Variants in THSD7A observed in about 807,000 individuals in gnomAD.
The protein encoded by THSD7A is thrombospondin type-1 domain-containing protein 7A.
THSD7A carries 96 observed loss-of-function variants against 231.3 expected under a neutral mutation model. The observed-to-expected ratio is 0.41, with a 90% CI of 0.35 to 0.49. The LOEUF (loss-of-function observed/expected upper bound fraction) is 0.49, where lower values mean the gene tolerates loss of function less well. THSD7A is among the 20% of genes least tolerant of loss of function. THSD7A has a pLI of 0.05. For missense variants in THSD7A, 2,290 were observed against 2,070.2 expected (o/e 1.11, Z -2.06); for synonymous variants, 940 against 743.3 (o/e 1.26, Z -4.30).
At chr7:11,626,486 T>A (rs73676051) in intron 2 of THSD7A, among the ~76,000 whole-genome samples, 2,006 of 152,170 alleles carry the variant, frequency 0.013, 39 homozygotes, top group African/African-American at 0.045. Flanking sequence ...GGTGAAGACA[T>A]CCTGTCCATG....
At chr7:11,790,665 G>A (rs1227684904) in intron 1 of THSD7A, among the ~76,000 whole-genome samples, 1 of 151,604 alleles carries the variant, frequency 6.6e-6, no homozygotes, top group African/African-American at 2.4e-5. Context: ...TAGCAGTCTA[G>A]AAAAGTTTTT....
intron 23 of THSD7A, among the ~76,000 whole-genome samples, chr7:11,388,445 C>G (rs1782850724): frequency 6.6e-6 from 1 of 152,116 alleles, no homozygotes; most frequent in South Asian, 2.1e-4. Context: ...AGGAATTTAT[C>G]CATTTCTTCT....
intron 1 of THSD7A, among the ~76,000 whole-genome samples, chr7:11,677,635 T>G (rs1039738512): frequency 1.6e-5 from 2 of 128,114 alleles, no homozygotes; most frequent in African/African-American, 6.3e-5. Flanking sequence ...AATCCTAGTC[T>G]CTGATAAAAA....
chr7:11,470,825 T>C (rs1317757894), intron 8 of THSD7A, among the ~76,000 whole-genome samples: 4 of 151,878 alleles, frequency 2.6e-5, no homozygotes, highest in African/African-American at 4.8e-5. Context: ...AAATATATTA[T>C]TTATTGGGAA....
chr7:11,754,441 A>T (rs1457509910), intron 1 of THSD7A, among the ~76,000 whole-genome samples: 1 of 152,100 alleles, frequency 6.6e-6, no homozygotes, highest in Non-Finnish European at 1.5e-5. Context: ...CAGAGAAAAT[A>T]CATCCTTTTA....
At chr7:11,548,265 G>A (rs953477218) in intron 4 of THSD7A, among the ~76,000 whole-genome samples, 22 of 151,940 alleles carry the variant, frequency 1.4e-4, no homozygotes, top group Non-Finnish European at 1.5e-5. Flanking sequence ...TATAAGAAAT[G>A]GATAAATTCC....
intron 2 of THSD7A, among the ~76,000 whole-genome samples, chr7:11,596,317 C>A (rs867137659): frequency 2.0e-5 from 3 of 152,060 alleles, no homozygotes; most frequent in Non-Finnish European, 2.9e-5. Context: ...TCCAGGGGAC[C>A]CAAAACATCA....
In THSD7A at chr7:11,733,155, G is replaced by GTAAT; in HGVS notation, c.191-96198_191-96195dup. ...TCTTTCCTCTGCTGGGTCCTGTCCT[G>GTAAT]TAATAAAAATCAATCAGTGAATTGG... On this transcript the variant is annotated intron_variant, in intron 1 of 27. Transcript: ENST00000423059. 1.3e-5 allele frequency among the ~76,000 whole-genome samples: 2 copies of GTAAT among 151,850 alleles called. 1 individual carries two copies. Among genetic ancestry groups the GTAAT allele is most frequent in the South Asian group, 4.2e-4 (2 of 4,818 alleles).
chr7:11,641,873 C>T (rs777717112), intron 1 of THSD7A, among the ~76,000 whole-genome samples: 4 of 152,012 alleles, frequency 2.6e-5, no homozygotes, highest in Non-Finnish European at 5.9e-5. Context: ...TTAACCAACC[C>T]TTTGAAAGAT....
intron 1 of THSD7A, among the ~76,000 whole-genome samples, chr7:11,808,529 A>G (rs1784452462): frequency 6.6e-6 from 1 of 152,190 alleles, no homozygotes; most frequent in Non-Finnish European, 1.5e-5. Context: ...AAAATGAATT[A>G]AGGCACAACT....
chr7:11,640,882 A>C lies in THSD7A; in HGVS notation c.191-3921T>G, dbSNP rs184239633. On this transcript the variant is annotated intron_variant, in intron 1 of 27. Coordinates refer to ENST00000423059, the MANE Select transcript of THSD7A (RefSeq NM_015204.3). ...CCCACTTTATAAAAAATAAAAATGC[A>C]CTCCCTAAAGGGGTTGAGGAGTATA... 1.1e-4 allele frequency among the ~76,000 whole-genome samples: 16 copies of C among 152,184 alleles called. No homozygotes were observed. In the East Asian group the frequency reaches 3.1e-3, roughly 29 times the overall value.
At chr7:11,813,787 TA>T (rs1379160339) in intron 1 of THSD7A, among the ~76,000 whole-genome samples, 19 of 151,598 alleles carry the variant, frequency 1.3e-4, no homozygotes, top group Admixed American at 1.3e-3. Flanking sequence ...CTCAAGCAAT[TA>T]AAAATACAGT....
chr7:11,611,787 AAC>A (rs56683135), intron 2 of THSD7A, among the ~76,000 whole-genome samples: 12,731 of 138,422 alleles, frequency 0.092, 536 homozygotes, highest in African/African-American at 0.11. Flanking sequence ...AGTACCATAA[AAC>A]ACACACACAC....
intron 6 of THSD7A, among the ~76,000 whole-genome samples, chr7:11,483,218 C>T (rs954197157): frequency 1.3e-5 from 2 of 152,152 alleles, no homozygotes; most frequent in African/African-American, 4.8e-5. Context: ...ATGTACACTC[C>T]TTTATTCATA....
intron 16 of THSD7A, among the ~76,000 whole-genome samples, chr7:11,419,004 C>G (rs960789224): frequency 1.3e-5 from 2 of 152,042 alleles, no homozygotes; most frequent in African/African-American, 4.8e-5. Context: ...ATGGTGACAG[C>G]AGCTTAGAGA....
intron 11 of THSD7A, among the ~76,000 whole-genome samples, chr7:11,451,043 C>T (rs1219919595): frequency 8.6e-5 from 13 of 151,886 alleles, no homozygotes; most frequent in African/African-American, 1.9e-4. Flanking sequence ...ACTGAAAGCA[C>T]GGGAAGAATC....
At chr7:11,639,499 C>A (rs1781996258) in intron 1 of THSD7A, among the ~76,000 whole-genome samples, 2 of 151,932 alleles carry the variant, frequency 1.3e-5, no homozygotes, top group African/African-American at 4.8e-5. Flanking sequence ...GAAACCCTGT[C>A]TGTACTAAAA....
Position 11,791,758 on chromosome 7 carries a change from C to T in THSD7A, c.190+39999G>A, listed in dbSNP as rs562684683. Among the ~76,000 whole-genome samples the T allele has an allele frequency of 3.9e-5, 6 of 152,012 alleles. No individual in the cohort carries two copies. In the South Asian group the frequency reaches 1.0e-3, roughly 26 times the overall value. On this transcript the variant is annotated intron_variant, in intron 1 of 27. Coordinates refer to ENST00000423059, the MANE Select transcript of THSD7A (RefSeq NM_015204.3). ...GAAAATAAAAAATATTTCCTACCTG[C>T]TAAAGTCACAGAGGAACTGCATGAA...
At chr7:11,795,077 T>A (rs1359370341) in intron 1 of THSD7A, among the ~76,000 whole-genome samples, 1 of 151,956 alleles carries the variant, frequency 6.6e-6, no homozygotes, top group Non-Finnish European at 1.5e-5. Flanking sequence ...AGTTGTTTTT[T>A]AAATATATTA....
Sources: allele counts gnomAD v4.1 joint callset (sites outside exome capture counted in the v4.1 genomes callset), GRCh38; gene constraint gnomAD v4.1.1; transcripts MANE v1.5; gene names NCBI Gene and HGNC (gene_info 2026-07-23, HGNC 2026-07-21).